The following SLC8A1 variants were observed in gnomAD, a reference collection of about 807,000 sequenced individuals.
SLC8A1 encodes the protein solute carrier family 8 member A1, also known as sodium/calcium exchanger 1.
Under a neutral mutation model 68.3 loss-of-function variants are expected in SLC8A1, and 18 were observed. The observed-to-expected ratio is 0.26, with a 90% CI of 0.18 to 0.39. The LOEUF (loss-of-function observed/expected upper bound fraction) is 0.39, where lower values mean the gene tolerates loss of function less well. Ranked by LOEUF, SLC8A1 falls within the 10% of genes least tolerant of loss-of-function variation. The pLI is 1.00. For missense variants in SLC8A1, 985 were observed against 1,156.7 expected, an observed-to-expected ratio of 0.85 and a Z score of 2.15; for synonymous variants, 475 against 415.5, an observed-to-expected ratio of 1.14 and a Z score of -1.74.
At chr2:40,329,435 G>A (rs2149367920) in intron 2 of SLC8A1, among the ~76,000 whole-genome samples, 1 of 152,180 alleles carries the variant, frequency 6.6e-6, no homozygotes, top group African/African-American at 2.4e-5. Context: ...TTTGGCCAAG[G>A]GCTGAACTTC....
At chr2:40,135,881 T>C (rs961682782) in intron 7 of SLC8A1, among the ~76,000 whole-genome samples, 4 of 152,216 alleles carry the variant, frequency 2.6e-5, no homozygotes, top group African/African-American at 9.6e-5. Context: ...CATTGGGCAG[T>C]AGAAATCAAC....
chr2:40,442,779 A>C (rs948202860), intron 1 of SLC8A1, among the ~76,000 whole-genome samples: 5 of 152,212 alleles, frequency 3.3e-5, no homozygotes, highest in Non-Finnish European at 5.9e-5. Context: ...AACAGAAATC[A>C]TTCTACTATA....
intron 1 of SLC8A1, among the ~76,000 whole-genome samples, chr2:40,439,172 T>C (rs573798796): frequency 7.9e-4 from 120 of 152,144 alleles, no homozygotes; most frequent in African/African-American, 2.8e-3. Context: ...ATTAAAGCAC[T>C]GGAGGTAATA....
intron 1 of SLC8A1, among the ~76,000 whole-genome samples, chr2:40,505,431 G>C (rs1000649375): frequency 3.4e-4 from 51 of 151,784 alleles, no homozygotes; most frequent in African/African-American, 1.2e-3. Flanking sequence ...TTGCATGCCT[G>C]TATCCAAACA....
At chr2:40,335,553 G>A (rs1017931131) in intron 2 of SLC8A1, among the ~76,000 whole-genome samples, 3 of 152,206 alleles carry the variant, frequency 2.0e-5, no homozygotes, top group African/African-American at 7.2e-5. Context: ...GAAATACAAT[G>A]AACATAGCTT....
chr2:40,224,213 G>C (rs1053353303), intron 2 of SLC8A1, among the ~76,000 whole-genome samples: 1 of 152,174 alleles, frequency 6.6e-6, no homozygotes, highest in South Asian at 2.1e-4. Flanking sequence ...TATAGGCTTG[G>C]GATGAGATGA....
intron 1 of SLC8A1, among the ~76,000 whole-genome samples, chr2:40,461,897 A>G (rs993209187): frequency 6.6e-6 from 1 of 151,654 alleles, no homozygotes; most frequent in Admixed American, 6.6e-5. Context: ...TAAGAAATCT[A>G]GTGTTGATTT....
At position 40,262,250 on chromosome 2, in the gene SLC8A1, C is replaced by T. The variant is rs577862716; in HGVS notation, c.1809-84395G>A. On this transcript the variant is annotated intron_variant, in intron 2 of 7. Coordinates refer to ENST00000406785, the Ensembl canonical transcript of SLC8A1. Reference sequence around the variant, plus strand: ...TGCTGGGATTACAGGCATGAGCCACCGCACCCGGCCCTCTCTTCACTATTA... The same window carrying T: ...TGCTGGGATTACAGGCATGAGCCACTGCACCCGGCCCTCTCTTCACTATTA... Among the ~76,000 whole-genome samples, 31 of 152,234 alleles carry T rather than the reference C, an allele frequency of 2.0e-4. No individual in the cohort carries two copies. The South Asian group carries it at 3.3e-3, about 16-fold the overall frequency.
chr2:40,497,730 A>G (rs1705802841), intron 1 of SLC8A1, among the ~76,000 whole-genome samples: 1 of 152,106 alleles, frequency 6.6e-6, no homozygotes, highest in Non-Finnish European at 1.5e-5. Context: ...ACTTAGGGCT[A>G]CTAGCAATTG....
intron 4 of SLC8A1, 84 bp from the exon 7 acceptor site, chr2:40,170,433 A>G: frequency 8.6e-7 from 1 of 1,161,430 alleles, no homozygotes; most frequent in Non-Finnish European, 1.3e-6. Flanking sequence ...TAAGCTAAAC[A>G]TCACACCCAG....
At chr2:40,495,632 C>T (rs1004160935) in intron 1 of SLC8A1, among the ~76,000 whole-genome samples, 1 of 152,008 alleles carries the variant, frequency 6.6e-6, no homozygotes, top group Non-Finnish European at 1.5e-5. Flanking sequence ...TTATCTTGCA[C>T]AACTGTTGAT....
chr2:40,341,071 G>T (rs1667542168), intron 2 of SLC8A1, among the ~76,000 whole-genome samples: 1 of 152,172 alleles, frequency 6.6e-6, no homozygotes, highest in Admixed American at 6.5e-5. Context: ...GAGTAGTAGA[G>T]AGAAGAGGGG....
At chr2:40,176,007 G>A (rs776543715) in intron 3 of SLC8A1, 8 of 446,334 alleles carry the variant, frequency 1.8e-5, no homozygotes, top group South Asian at 1.1e-4. Context: ...TATCATCCCA[G>A]GAAACTGACA....
At chr2:40,447,689 G>T (rs1701708596) in intron 1 of SLC8A1, among the ~76,000 whole-genome samples, 1 of 150,460 alleles carries the variant, frequency 6.6e-6, no homozygotes, top group South Asian at 2.1e-4. Context: ...GGGTCTATTA[G>T]ATAGAATTCC....
intron 2 of SLC8A1, among the ~76,000 whole-genome samples, chr2:40,427,721 CTT>C (rs1365179443): frequency 6.6e-6 from 1 of 152,136 alleles, no homozygotes; most frequent in Non-Finnish European, 1.5e-5. Context: ...ATTTTTCCTT[CTT>C]TTCTCTGACC....
intron 2 of SLC8A1, among the ~76,000 whole-genome samples, chr2:40,219,508 A>C (rs1037999633): frequency 2.6e-5 from 4 of 152,216 alleles, no homozygotes; most frequent in Non-Finnish European, 4.4e-5. Context: ...TGTTGCAGAG[A>C]ATTTCAGGGC....
At chr2:40,134,464 A>C (rs1239081680) in intron 7 of SLC8A1, among the ~76,000 whole-genome samples, 1 of 152,162 alleles carries the variant, frequency 6.6e-6, no homozygotes, top group African/African-American at 2.4e-5. Context: ...GAAAAGAATG[A>C]AGAAAATACC....
chr2:40,129,278 C>T (rs1377953433), intron 7 of SLC8A1, among the ~76,000 whole-genome samples: 9 of 150,476 alleles, frequency 6.0e-5, no homozygotes, highest in Admixed American at 5.3e-4. Flanking sequence ...GTCACTGAGG[C>T]TGAGTGTGAT....
intron 2 of SLC8A1, among the ~76,000 whole-genome samples, chr2:40,390,868 G>A (rs1175097193): frequency 2.0e-5 from 3 of 151,806 alleles, no homozygotes; most frequent in Non-Finnish European, 4.4e-5. Flanking sequence ...CAATTTGATA[G>A]ACATTTTATC....
Sources: allele counts gnomAD v4.1 joint callset (sites outside exome capture counted in the v4.1 genomes callset), GRCh38; gene constraint gnomAD v4.1.1; transcripts MANE v1.5; gene names NCBI Gene and HGNC (gene_info 2026-07-23, HGNC 2026-07-21).